Variants in KANK1 observed in about 807,000 individuals in gnomAD.
KANK1 encodes the protein KN motif and ankyrin repeat domains 1, also known as KN motif and ankyrin repeat domain-containing protein 1.
In KANK1, 109 loss-of-function variants were observed where a neutral mutation model predicts 106.2. That is an observed-to-expected ratio of 1.03 (90% CI 0.88 to 1.20). The LOEUF is 1.20. Among genes scored for constraint, KANK1 ranks in the 50% most tolerant of loss-of-function variants. KANK1 has a pLI of 0.00. For missense variants in KANK1, 2,399 were observed against 1,710.7 expected, an observed-to-expected ratio of 1.40 and a Z score of -7.10; for synonymous variants, 873 against 652.2, an observed-to-expected ratio of 1.34 and a Z score of -5.16.
intron 1 of KANK1, among the ~76,000 whole-genome samples, chr9:559,919 C>G (rs1375024857): frequency 2.0e-5 from 3 of 152,154 alleles, no homozygotes; most frequent in African/African-American, 7.2e-5. Flanking sequence ...CTGGAACTTT[C>G]TTAAGCATTT....
intron 1 of KANK1, among the ~76,000 whole-genome samples, chr9:554,779 A>G (rs1563761109): frequency 6.6e-6 from 1 of 152,228 alleles, no homozygotes; most frequent in Non-Finnish European, 1.5e-5. Context: ...ACTACTAAAA[A>G]CAGAATCCTA....
intron 1 of KANK1, among the ~76,000 whole-genome samples, chr9:617,197 T>C (rs1832053773): frequency 6.6e-6 from 1 of 152,194 alleles, no homozygotes; most frequent in Non-Finnish European, 1.5e-5. Context: ...GTCCTTAATG[T>C]TATTTTACTG....
In KANK1 at chr9:598,015, T is replaced by A. The variant is rs1013777754; in HGVS notation, c.-83-78875T>A. ...ATGCTTTTATTTTTTATACTTAGGT[T>A]GTTAATTCATTTTGAGTTAATTTTT... On this transcript the variant is annotated intron_variant, in intron 1 of 11. Transcript: ENST00000382297. Among the ~76,000 whole-genome samples the A allele has an allele frequency of 1.6e-4, 24 of 151,794 alleles. 1 individual carries two copies. Among genetic ancestry groups the A allele is most frequent in the African/African-American group, 5.8e-4 (24 of 41,076 alleles).
chr9:504,288 G>T (rs1015253778), upstream of KANK1, among the ~76,000 whole-genome samples: 2 of 152,142 alleles, frequency 1.3e-5, no homozygotes, highest in African/African-American at 4.8e-5. Flanking sequence ...TTGGCAGAAG[G>T]AGCGAACCGC....
At chr9:519,357 T>C (rs1256371692) in intron 1 of KANK1, among the ~76,000 whole-genome samples, 1 of 151,806 alleles carries the variant, frequency 6.6e-6, no homozygotes, top group Non-Finnish European at 1.5e-5. Context: ...AAAGGTGGTG[T>C]TGAATATTTT....
At chr9:487,215 C>G (rs1210966885) in intron 3 of KANK1, among the ~76,000 whole-genome samples, 1 of 152,186 alleles carries the variant, frequency 6.6e-6, no homozygotes, top group Admixed American at 6.5e-5. Flanking sequence ...TATGGTTTTT[C>G]AAATTTATGA....
In KANK1 at chr9:579,232, C is replaced by G. The variant is rs551385336; in HGVS notation, c.-84+74478C>G. ...ACCCTGGGTCTGCTTCCCTCTGCCC[C>G]CAGTGTGGGCTCCCGTAGCACAGCT... is the stretch of plus-strand genomic sequence containing the variant. On this transcript the variant is annotated intron_variant, in intron 1 of 11. Coordinates refer to ENST00000382297, the MANE Select transcript of KANK1 (RefSeq NM_015158.5). 2.0e-5 allele frequency among the ~76,000 whole-genome samples: 3 copies of G among 152,210 alleles called. No individual in the cohort carries two copies. In the South Asian group the frequency reaches 6.2e-4, roughly 32 times the overall value.
At chr9:588,716 C>T (rs1187722089) in intron 1 of KANK1, among the ~76,000 whole-genome samples, 2 of 152,192 alleles carry the variant, frequency 1.3e-5, no homozygotes, top group Non-Finnish European at 2.9e-5. Flanking sequence ...CACTTTGCCA[C>T]TAACAGAATC....
At chr9:727,293 A>T (rs767782292) in intron 3 of KANK1, among the ~76,000 whole-genome samples, 1 of 151,866 alleles carries the variant, frequency 6.6e-6, no homozygotes, top group Non-Finnish European at 1.5e-5. Flanking sequence ...ACCCATATTC[A>T]CTATAGAAAA....
chr9:631,129 C>T (rs183574911), intron 1 of KANK1, among the ~76,000 whole-genome samples: 41 of 152,156 alleles, frequency 2.7e-4, no homozygotes, highest in Non-Finnish European at 4.9e-4. Flanking sequence ...AGCGTTAATA[C>T]GTTTTGCATT....
chr9:647,332 CTTATTCTTGGCA>C (rs60706357), intron 1 of KANK1, among the ~76,000 whole-genome samples: 29,881 of 150,540 alleles, frequency 0.2, 3,618 homozygotes, highest in East Asian at 0.32. Context: ...GTAATGATGT[CTTATTCTTGGCA>C]TTATAAATGA....
At chr9:739,889 G>A (rs905864488) in intron 8 of KANK1, among the ~76,000 whole-genome samples, 6 of 151,892 alleles carry the variant, frequency 4.0e-5, no homozygotes, top group African/African-American at 7.3e-5. Context: ...GCCCCGAAGC[G>A]CACACGAATT....
intron 1 of KANK1, chr9:549,000 A>G (rs2061105251): frequency 6.6e-6 from 1 of 152,206 alleles, no homozygotes; most frequent in African/African-American, 2.4e-5. Flanking sequence ...AAGAACTATC[A>G]TTGCATGAAA....
chr9:522,765 C>G (rs758461147), intron 1 of KANK1, among the ~76,000 whole-genome samples: 1 of 151,698 alleles, frequency 6.6e-6, no homozygotes, highest in African/African-American at 2.4e-5. Flanking sequence ...ACTCCTTAAG[C>G]TTAGCAATGT....
intron 3 of KANK1, among the ~76,000 whole-genome samples, chr9:719,106 C>T (rs986086958): frequency 1.3e-5 from 2 of 151,982 alleles, no homozygotes; most frequent in Non-Finnish European, 2.9e-5. Context: ...ACTACAGGCA[C>T]ACGCCACCAG....
chr9:577,128 T>C (rs1820774140), intron 1 of KANK1, among the ~76,000 whole-genome samples: 2 of 152,168 alleles, frequency 1.3e-5, no homozygotes, highest in African/African-American at 4.8e-5. Flanking sequence ...CAAGATTTAT[T>C]GTGAAGAGCG....
chr9:648,393 A>T (rs1012471694), intron 1 of KANK1, among the ~76,000 whole-genome samples: 1 of 152,108 alleles, frequency 6.6e-6, no homozygotes, highest in Non-Finnish European at 1.5e-5. Context: ...TTTAAAAACT[A>T]TGCCGTATAT....
chr9:564,305 G>A (rs577541418), intron 1 of KANK1, among the ~76,000 whole-genome samples: 19 of 151,704 alleles, frequency 1.3e-4, no homozygotes, highest in Middle Eastern at 6.8e-3. Context: ...TCATGACTCC[G>A]CCCGCCTCAG....
In KANK1 at chr9:504,749, C is replaced by G. The variant is rs2058649848; in HGVS notation, c.-89C>G. 1 of 141,150 alleles carries G rather than the reference C, an allele frequency of 7.1e-6. No homozygotes were observed. The highest frequency in any genetic ancestry group is 7.0e-5 in the Admixed American group (1 of 14,310). The allele number at this position is 141,150 out of a possible 1,614,324, so 8.7% of individuals were successfully genotyped here. A position where few individuals can be genotyped will look rare whatever the true frequency, so the allele number is the denominator to read the frequency against. ...GCGGCCGGCAGGTTGGGAGGAGCGG[C>G]CGAAGGTGAGTGACGCGGCGGGGCC... On this transcript the variant is annotated 5_prime_UTR_variant, in exon 1 of 12. Transcript: ENST00000382297.
Sources: gnomAD v4.1 joint callset for allele counts (sites outside exome capture counted in the v4.1 genomes callset) on GRCh38, gnomAD v4.1.1 for gene constraint, MANE v1.5 for transcripts, NCBI Gene and HGNC (gene_info 2026-07-23, HGNC 2026-07-21) for gene names.